SLC22A3: variants seen among roughly 807,000 people sequenced by gnomAD.
The protein encoded by SLC22A3 is solute carrier family 22 member 3.
A neutral mutation model predicts 59.1 loss-of-function variants in SLC22A3; 51 were observed. The observed-to-expected ratio is 0.86, with a 90% CI of 0.69 to 1.09. The LOEUF is 1.09. Ranked by LOEUF, SLC22A3 falls within the 50% of genes least tolerant of loss-of-function variation. SLC22A3 has a pLI of 0.00. For synonymous variants in SLC22A3, 325 were observed against 292.0 expected (o/e 1.11, Z -1.15); for missense variants, 711 against 726.3 (o/e 0.98, Z 0.24).
chr6:160,397,943 G>A (rs1162008363), intron 1 of SLC22A3, 36 bp from the exon 2 acceptor site: 6 of 1,461,998 alleles, frequency 4.1e-6, no homozygotes, highest in Middle Eastern at 1.7e-4. Flanking sequence ...TCTGCATTCT[G>A]GCATGTCTCC....
intron 1 of SLC22A3, among the ~76,000 whole-genome samples, chr6:160,382,719 T>C (rs1156762660): frequency 1.3e-5 from 2 of 152,142 alleles, no homozygotes; most frequent in Non-Finnish European, 2.9e-5. Flanking sequence ...TAAATAGGCC[T>C]CCATGTTGAA....
intron 1 of SLC22A3, among the ~76,000 whole-genome samples, chr6:160,397,436 G>A (rs1049415348): frequency 8.6e-5 from 13 of 151,822 alleles, no homozygotes; most frequent in Non-Finnish European, 1.3e-4. Flanking sequence ...TATTCAATAC[G>A]CTTAAAAGAA....
rs8187718 is a variant in SLC22A3, at chr6:160,348,933, C to T, written c.429+85C>T. Reference sequence around the variant, plus strand: ...GACAAGCCGCGTGTGAGACGCTGGCCGCCAGGGGAGGTCGGTGGAGACGGG... The same window carrying T: ...GACAAGCCGCGTGTGAGACGCTGGCTGCCAGGGGAGGTCGGTGGAGACGGG... On this transcript the variant is annotated intron_variant, in intron 1 of 10. Coordinates refer to ENST00000275300, the MANE Select transcript of SLC22A3 (RefSeq NM_021977.4). 7.6e-3 allele frequency: 11,698 copies of T among 1,531,550 alleles called. 620 individuals carry two copies. In the African/African-American group the frequency reaches 0.13, roughly 17 times the overall value. 94.9% of individuals were successfully genotyped at this position (1,531,550 alleles called of 1,614,324 possible). A position where few individuals can be genotyped will look rare whatever the true frequency, so the allele number is the denominator to read the frequency against.
chr6:160,446,034 G>A (rs1223344320), intron 9 of SLC22A3, among the ~76,000 whole-genome samples: 3 of 152,174 alleles, frequency 2.0e-5, no homozygotes, highest in African/African-American at 7.2e-5. Flanking sequence ...GAAAGCAGGA[G>A]GCCTAGGACA....
intron 5 of SLC22A3, among the ~76,000 whole-genome samples, chr6:160,414,171 T>C (rs1168270210): frequency 2.0e-5 from 3 of 152,220 alleles, no homozygotes; most frequent in Non-Finnish European, 4.4e-5. Context: ...CATTGAGAGA[T>C]ACCTGGTAGC....
chr6:160,424,272 AT>A (rs1488544419), intron 5 of SLC22A3, among the ~76,000 whole-genome samples: 1 of 152,340 alleles, frequency 6.6e-6, no homozygotes, highest in Non-Finnish European at 1.5e-5. Flanking sequence ...ATTAAAAAAA[AT>A]GTACTTTCTT....
At chr6:160,366,764 C>T (rs537106910) in intron 1 of SLC22A3, among the ~76,000 whole-genome samples, 4 of 152,282 alleles carry the variant, frequency 2.6e-5, no homozygotes, top group South Asian at 2.1e-4. Flanking sequence ...TGCCAACCCC[C>T]GGGACCAACA....
chr6:160,386,459 G>A (rs1286977142), intron 1 of SLC22A3, among the ~76,000 whole-genome samples: 1 of 152,210 alleles, frequency 6.6e-6, no homozygotes, highest in Non-Finnish European at 1.5e-5. Context: ...TCCTTATTCT[G>A]AGAAAATCTT....
chr6:160,422,710 G>T (rs1157525589), intron 5 of SLC22A3, among the ~76,000 whole-genome samples: 1 of 152,210 alleles, frequency 6.6e-6, no homozygotes, highest in Non-Finnish European at 1.5e-5. Flanking sequence ...GTTAATTGGT[G>T]ATGAAGTCCT....
At chr6:160,397,716 G>A (rs1344981965) in intron 1 of SLC22A3, among the ~76,000 whole-genome samples, 5 of 138,712 alleles carry the variant, frequency 3.6e-5, no homozygotes, top group Non-Finnish European at 7.6e-5. Context: ...TCTGGTGACA[G>A]AGCGAGACTC....
chr6:160,410,956 T>TTATA (rs3066963), intron 5 of SLC22A3, 110 bp downstream of exon 5: 2 of 575,180 alleles, frequency 3.5e-6, no homozygotes, highest in Admixed American at 2.3e-5. Flanking sequence ...AATATGCATA[T>TTATA]TATATATATA....
rs1788636299 is a variant in SLC22A3 at position 160,443,725 on chromosome 6, T to G, written c.1493T>G (p.Leu498Arg). The change falls in exon 9 of 11, where the codon CTA becomes CGA. Residue 498 changes from leucine to arginine, a missense_variant. Coordinates refer to ENST00000275300, the MANE Select transcript of SLC22A3 (RefSeq NM_021977.4). ...LFRLAAVWLELPLIIFGILAS... is the reference protein window; with the variant it reads ...LFRLAAVWLERPLIIFGILAS... Reference sequence around the variant, plus strand: ...CGGCTAGCAGCCGTGTGGCTAGAACTACCTCTGATCATCTTTGGTAAGAAC... The same window carrying G: ...CGGCTAGCAGCCGTGTGGCTAGAACGACCTCTGATCATCTTTGGTAAGAAC... 1.9e-6 allele frequency: 3 copies of G among 1,610,096 alleles called. No homozygotes were observed. Among genetic ancestry groups the G allele is most frequent in the Non-Finnish European group, 2.5e-6 (3 of 1,177,510 alleles).
chr6:160,433,826 G>A (rs947375839), intron 5 of SLC22A3, among the ~76,000 whole-genome samples: 2 of 152,198 alleles, frequency 1.3e-5, no homozygotes, highest in African/African-American at 4.8e-5. Context: ...CTGGAAACTT[G>A]AGTGAGAGTG....
At chr6:160,435,238 C>T (rs932305350) in intron 5 of SLC22A3, among the ~76,000 whole-genome samples, 28 of 152,166 alleles carry the variant, frequency 1.8e-4, no homozygotes, top group Admixed American at 1.3e-3. Context: ...CAGTCTTCCA[C>T]GGCGATTGTC....
At chr6:160,356,196 G>A (rs9457910) in intron 1 of SLC22A3, among the ~76,000 whole-genome samples, 7 of 152,188 alleles carry the variant, frequency 4.6e-5, no homozygotes, top group Admixed American at 3.3e-4. Flanking sequence ...CTCATCCTCC[G>A]CCTTCATCAT....
intron 1 of SLC22A3, among the ~76,000 whole-genome samples, chr6:160,379,585 G>A (rs1170423784): frequency 6.6e-6 from 1 of 152,110 alleles, no homozygotes; most frequent in Non-Finnish European, 1.5e-5. Flanking sequence ...TTGCTTTTTA[G>A]TACTTACCAT....
At chr6:160,421,806 T>C (rs1248948014) in intron 5 of SLC22A3, among the ~76,000 whole-genome samples, 2 of 152,312 alleles carry the variant, frequency 1.3e-5, no homozygotes, top group African/African-American at 4.8e-5. Flanking sequence ...GGAAGGGCCT[T>C]CTGATACCCT....
At chr6:160,408,983 G>C in intron 4 of SLC22A3, 62 bp downstream of exon 4, 5 of 1,249,676 alleles carry the variant, frequency 4.0e-6, no homozygotes, top group Non-Finnish European at 5.7e-6. Flanking sequence ...ACTCCAAACA[G>C]ACATGAAAAT....
At chr6:160,450,237 CCCTAGGAA>C (rs1788899752) in intron 10 of SLC22A3, among the ~76,000 whole-genome samples, 1 of 152,098 alleles carries the variant, frequency 6.6e-6, no homozygotes, top group Non-Finnish European at 1.5e-5. Flanking sequence ...ATAGACCTCC[CCCTAGGAA>C]CGCATTCCTT....
Sources: gnomAD v4.1 joint callset for allele counts (sites outside exome capture counted in the v4.1 genomes callset) on GRCh38, gnomAD v4.1.1 for gene constraint, MANE v1.5 for transcripts, NCBI Gene and HGNC (gene_info 2026-07-23, HGNC 2026-07-21) for gene names.